The following STARD8 variants were observed in gnomAD, a reference collection of about 807,000 sequenced individuals.
The protein encoded by STARD8 is stAR-related lipid transfer protein 8.
A neutral mutation model predicts 69.4 loss-of-function variants in STARD8; 25 were observed. The observed-to-expected ratio is 0.36, with a 90% CI of 0.26 to 0.50. STARD8 has a LOEUF of 0.50. STARD8 is among the 20% of genes least tolerant of loss of function. STARD8 has a pLI of 0.96. For missense variants in STARD8, 921 were observed against 932.5 expected (o/e 0.99, Z 0.16); for synonymous variants, 389 against 374.6 (o/e 1.04, Z -0.45).
chrX:68,700,719 G>T (rs1422761206), intron 2 of STARD8, among the ~76,000 whole-genome samples: 3 of 111,940 alleles, frequency 2.7e-5, no homozygotes, highest in Non-Finnish European at 5.6e-5. Context: ...CACACCAGCA[G>T]GGCCTTCTAA....
chrX:68,712,899 C>G lies in STARD8; in HGVS notation c.80-15C>G, dbSNP rs1379579259. ...CCCATTTCTTTGCCTGTTTCTTTCC[C>G]TTGTTCTGTTTTAGAAGCCGAGGCC... is the stretch of plus-strand genomic sequence containing the variant. On this transcript the variant is annotated splice_polypyrimidine_tract_variant and intron_variant, in intron 2 of 14. Transcript: ENST00000374599. The G allele has an allele frequency of 8.3e-7, 1 of 1,199,541 alleles. No individual in the cohort carries two copies. Among genetic ancestry groups the G allele is most frequent in the South Asian group, 1.8e-5 (1 of 54,845 alleles).
chrX:68,724,504 C>T lies in STARD8; in HGVS notation c.*82C>T, dbSNP rs1272238446. 2.6e-5 allele frequency: 22 copies of T among 855,825 alleles called. No individual in the cohort carries two copies. Among genetic ancestry groups the T allele is most frequent in the Non-Finnish European group, 3.5e-5 (21 of 601,042 alleles). The allele number at this position is 855,825 out of a possible 1,213,427, so 70.5% of individuals were successfully genotyped here. On this transcript the variant is annotated 3_prime_UTR_variant, in exon 15 of 15. Transcript: ENST00000374599. The stretch of plus-strand genomic sequence containing the variant: ...AGGGGGAATAAGAGCAGGGCAGCCC[C>T]CTGGGTGCCGCTGTCAGGAGCAGAG...
intron 2 of STARD8, among the ~76,000 whole-genome samples, chrX:68,694,547 G>A (rs1244850291): frequency 9.0e-6 from 1 of 111,601 alleles, no homozygotes; most frequent in Non-Finnish European, 1.9e-5. Context: ...TTACGACTCA[G>A]GAAACTGGGG....
intron 2 of STARD8, among the ~76,000 whole-genome samples, chrX:68,689,865 G>A (rs1330266041): frequency 1.8e-5 from 2 of 110,720 alleles, no homozygotes; most frequent in South Asian, 3.9e-4. Context: ...TAGACAGTGA[G>A]GTGTTTGTGT....
chrX:68,713,249 G>A (rs1240172424), intron 3 of STARD8, among the ~76,000 whole-genome samples: 1 of 112,389 alleles, frequency 8.9e-6, no homozygotes, highest in Non-Finnish European at 1.9e-5. Flanking sequence ...TCATCACGTG[G>A]TACCAATCCT....
At position 68,647,777 on chromosome X, in the gene STARD8, G is replaced by C; in HGVS notation, c.-106G>C. 9.8e-7 allele frequency: 1 copy of C among 1,015,913 alleles called. No individual in the cohort carries two copies. The highest frequency in any genetic ancestry group is 1.3e-6 in the Non-Finnish European group (1 of 747,769). The allele number at this position is 1,015,913 out of a possible 1,213,427, so 83.7% of individuals were successfully genotyped here. ...CCGGCTCATGGAGCGCAGGGACCGG[G>C]CTGGCTCTCGCCGAGCCCCGGGCCT... is the stretch of plus-strand genomic sequence containing the variant. On this transcript the variant is annotated 5_prime_UTR_variant, in exon 1 of 15. Coordinates refer to ENST00000374599, the MANE Select transcript of STARD8 (RefSeq NM_001142503.3).
chrX:68,693,622 A>T, intron 2 of STARD8: 1 of 754,244 alleles, frequency 1.3e-6, no homozygotes, highest in South Asian at 6.7e-5. Flanking sequence ...CTACTCGCCG[A>T]CGCTCCCTCC....
intron 2 of STARD8, among the ~76,000 whole-genome samples, chrX:68,703,804 A>C (rs946518778): frequency 1.8e-5 from 2 of 111,440 alleles, no homozygotes; most frequent in Non-Finnish European, 3.8e-5. Flanking sequence ...TCTCAAGTGA[A>C]CGTGGGTGCC....
At chrX:68,667,828 G>A (rs1201587183) in intron 2 of STARD8, among the ~76,000 whole-genome samples, 1 of 110,637 alleles carries the variant, frequency 9.0e-6, no homozygotes, top group Admixed American at 9.6e-5. Flanking sequence ...TGTGCCACTC[G>A]TGGTGGAATG....
intron 2 of STARD8, among the ~76,000 whole-genome samples, chrX:68,697,977 G>A (rs751550468): frequency 8.9e-6 from 1 of 112,404 alleles, no homozygotes; most frequent in South Asian, 3.6e-4. Context: ...TAATCATTGA[G>A]CCACATAATA....
chrX:68,719,141 A>T (rs765468798), intron 6 of STARD8, 84 bp from the exon 7 acceptor site: 2 of 1,015,962 alleles, frequency 2.0e-6, no homozygotes, highest in Non-Finnish European at 2.6e-6. Context: ...GGGAGAAAAA[A>T]GGGGACCACA....
chrX:68,653,279 A>C (rs1160218004), intron 1 of STARD8, among the ~76,000 whole-genome samples: 10 of 36,782 alleles, frequency 2.7e-4, no homozygotes, highest in African/African-American at 3.7e-4. Context: ...ACACCACACC[A>C]CACACACACC....
chrX:68,687,334 T>C (rs1423747633), intron 2 of STARD8, among the ~76,000 whole-genome samples: 1 of 110,887 alleles, frequency 9.0e-6, no homozygotes, highest in Non-Finnish European at 1.9e-5. Flanking sequence ...TTTTTAAAAA[T>C]TGAAAAAAAA....
At chrX:68,671,361 C>T (rs934823239) in intron 2 of STARD8, among the ~76,000 whole-genome samples, 8 of 112,333 alleles carry the variant, frequency 7.1e-5, no homozygotes, top group Non-Finnish European at 1.3e-4. Context: ...ATAGCTATTA[C>T]ATTATAAAAC....
chrX:68,720,033 C>T (rs759919468), intron 7 of STARD8, among the ~76,000 whole-genome samples: 1 of 112,552 alleles, frequency 8.9e-6, no homozygotes, highest in African/African-American at 3.2e-5. Context: ...CTACTGGCCA[C>T]ATGAGTTGTT....
chrX:68,665,372 T>C (rs1373636758), intron 1 of STARD8, 127 bp from the exon 2 acceptor site: 3 of 771,393 alleles, frequency 3.9e-6, no homozygotes, highest in Non-Finnish European at 5.7e-6. Flanking sequence ...TTCCTTTTCT[T>C]TGGACCTCCA....
intron 2 of STARD8, among the ~76,000 whole-genome samples, chrX:68,669,832 G>A (rs180736123): frequency 1.0e-3 from 112 of 112,414 alleles, no homozygotes; most frequent in African/African-American, 3.5e-3. Context: ...GCTATTGGGT[G>A]TCTGTCACCT....
chrX:68,650,782 C>CAAACAAAACAAAACA lies in STARD8; in HGVS notation c.45+2900_45+2914dup, dbSNP rs199558734. On this transcript the variant is annotated intron_variant, in intron 1 of 14. Transcript: ENST00000374599. ...TGGCCATCAGACTAAGGCTATGTCT[C>CAAACAAAACAAAACA]AAACAAAACAAAACAAAACAAAACA... Among the ~76,000 whole-genome samples, 657 of 88,718 alleles carry CAAACAAAACAAAACA rather than the reference C, an allele frequency of 7.4e-3. 9 individuals carry two copies. The highest frequency in any genetic ancestry group is 8.4e-3 in the Non-Finnish European group (372 of 44,316). The allele number at this position is 88,718 out of a possible 115,157, so 77.0% of individuals were successfully genotyped here. A position where few individuals can be genotyped will look rare whatever the true frequency, so the allele number is the denominator to read the frequency against.
chrX:68,717,830 A>C lies in STARD8; in HGVS notation c.916A>C (p.Lys306Gln). The C allele has an allele frequency of 1.7e-6, 2 of 1,211,086 alleles. No individual in the cohort carries two copies. The highest frequency in any genetic ancestry group is 2.2e-6 in the Non-Finnish European group (2 of 895,159). Residue 306 changes from lysine (K) to glutamine (Q), a missense_variant, in exon 6 of 15, where the codon AAA becomes CAA. Physicochemically the swap from Lys to Gln is moderately conservative, Grantham distance 53 (BLOSUM62 1). Coordinates refer to ENST00000374599, the MANE Select transcript of STARD8 (RefSeq NM_001142503.3). ...CCTGGTGCACGTTCCTGGGGACCACAAACCAGGCACATTCCCTCGCTCCCT... is the reference window on the plus strand; with the variant it reads ...CCTGGTGCACGTTCCTGGGGACCACCAACCAGGCACATTCCCTCGCTCCCT... Reference protein sequence around the residue: ...DCLVHVPGDHKPGTFPRSLSI... With the variant: ...DCLVHVPGDHQPGTFPRSLSI...
Sources: allele counts gnomAD v4.1 joint callset (sites outside exome capture counted in the v4.1 genomes callset), GRCh38; gene constraint gnomAD v4.1.1; transcripts MANE v1.5; gene names NCBI Gene and HGNC (gene_info 2026-07-23, HGNC 2026-07-21).